The following UNC13C variants were observed in gnomAD, a reference collection of about 807,000 sequenced individuals.
UNC13C encodes protein unc-13 homolog C.
UNC13C carries 174 observed loss-of-function variants against 245.4 expected under a neutral mutation model. The ratio of observed to expected loss-of-function variants is 0.71; its 90% CI spans 0.63 to 0.80. The LOEUF is 0.80. Among genes scored for constraint, UNC13C ranks in the 30% least tolerant of loss-of-function variants. The pLI is 0.00. For synonymous variants in UNC13C, 992 were observed against 895.1 expected (o/e 1.11, Z -1.93); for missense variants, 2,829 against 2,602.9 (o/e 1.09, Z -1.89).
the UNC13C span, among the ~76,000 whole-genome samples, chr15:53,940,975 G>A: frequency 6.6e-6 from 1 of 152,066 alleles, no homozygotes; most frequent in African/African-American, 2.4e-5. Flanking sequence ...AAATTCATAT[G>A]GAATAAGAGC....
At chr15:54,483,889 C>T (rs1893264185) in intron 19 of UNC13C, among the ~76,000 whole-genome samples, 1 of 152,100 alleles carries the variant, frequency 6.6e-6, no homozygotes, top group Admixed American at 6.5e-5. Context: ...ACCTTTTTAC[C>T]TACCTTTTAC....
At chr15:54,276,388 C>T (rs1339521268) in intron 10 of UNC13C, among the ~76,000 whole-genome samples, 2 of 152,066 alleles carry the variant, frequency 1.3e-5, no homozygotes, top group East Asian at 1.9e-4. Flanking sequence ...CCACTAATTA[C>T]ACCCCACAAA....
At chr15:54,236,571 A>G in intron 6 of UNC13C, 136 bp downstream of exon 6, 1 of 700,344 alleles carries the variant, frequency 1.4e-6, no homozygotes, top group Non-Finnish European at 2.3e-6. Flanking sequence ...TTTGTTCTGC[A>G]AGAATTTAAC....
intron 2 of UNC13C, among the ~76,000 whole-genome samples, chr15:54,025,954 C>A (rs192016028): frequency 3.4e-4 from 52 of 152,228 alleles, no homozygotes; most frequent in Middle Eastern, 3.4e-3. Context: ...CCTTTTAATG[C>A]CTTTTCTGAT....
At chr15:54,168,356 G>C (rs1160807118) in intron 4 of UNC13C, among the ~76,000 whole-genome samples, 1 of 152,130 alleles carries the variant, frequency 6.6e-6, no homozygotes, top group African/African-American at 2.4e-5. Flanking sequence ...TTCAACAGTT[G>C]AAATATAGTT....
chr15:54,587,784 C>T (rs1233735928), intron 30 of UNC13C, among the ~76,000 whole-genome samples: 1 of 145,090 alleles, frequency 6.9e-6, no homozygotes, highest in Non-Finnish European at 1.5e-5. Flanking sequence ...ACACAAACAG[C>T]AAACATCTTT....
At position 54,335,948 on chromosome 15, in the gene UNC13C, G is replaced by GT. The variant is rs764213080; in HGVS notation, c.4584+2093dup. Among the ~76,000 whole-genome samples the GT allele has an allele frequency of 2.0e-5, 3 of 152,100 alleles. No homozygotes were observed. In the South Asian group the frequency reaches 6.2e-4, roughly 32 times the overall value. On this transcript the variant is annotated intron_variant, in intron 16 of 32. Transcript: ENST00000260323. ...AAACTCTTGGGATTTTCCATGTTAT[G>GT]TATGTATGTATGTATATATTTCTTA...
At chr15:54,006,048 C>T (rs1195411931) in intron 1 of UNC13C, among the ~76,000 whole-genome samples, 2 of 152,058 alleles carry the variant, frequency 1.3e-5, no homozygotes, top group Admixed American at 6.5e-5. Context: ...TAGAGTTAGG[C>T]GATTTGGGCA....
chr15:54,340,397 C>T (rs1395195335), intron 17 of UNC13C, among the ~76,000 whole-genome samples: 2 of 152,144 alleles, frequency 1.3e-5, no homozygotes, highest in Non-Finnish European at 2.9e-5. Context: ...ATGTTATCTG[C>T]TAGAATTTTT....
At chr15:54,491,940 C>T (rs1460409780) in intron 19 of UNC13C, among the ~76,000 whole-genome samples, 2 of 149,970 alleles carry the variant, frequency 1.3e-5, no homozygotes, top group Non-Finnish European at 3.0e-5. Context: ...TGTAGTAAGC[C>T]GAGATCACAC....
chr15:53,888,868 G>A, the UNC13C span, among the ~76,000 whole-genome samples: 1 of 152,076 alleles, frequency 6.6e-6, no homozygotes, highest in Non-Finnish European at 1.5e-5. Flanking sequence ...GTAGATGTGT[G>A]GTGTTATTTC....
At chr15:54,440,687 G>A (rs1275561556) in intron 19 of UNC13C, among the ~76,000 whole-genome samples, 1 of 151,948 alleles carries the variant, frequency 6.6e-6, no homozygotes, top group East Asian at 1.9e-4. Flanking sequence ...AGTGGGATTG[G>A]TGGATCCTAC....
intron 4 of UNC13C, among the ~76,000 whole-genome samples, chr15:54,153,437 A>G (rs2032612004): frequency 6.6e-6 from 1 of 152,066 alleles, no homozygotes; most frequent in Admixed American, 6.6e-5. Flanking sequence ...TATGATAATT[A>G]TTATTCATAT....
At chr15:54,621,571 C>G (rs1254694411) in intron 30 of UNC13C, among the ~76,000 whole-genome samples, 1 of 152,040 alleles carries the variant, frequency 6.6e-6, no homozygotes, top group Non-Finnish European at 1.5e-5. Context: ...TAACAAATAG[C>G]TAGAGCATGT....
rs144431171 is a variant in UNC13C, at chr15:54,083,073, C to T, written c.2984-59945C>T. Among the ~76,000 whole-genome samples the T allele has an allele frequency of 1.5e-3, 230 of 152,190 alleles. 1 individual carries two copies. The highest frequency in any genetic ancestry group is 2.6e-3 in the Non-Finnish European group (176 of 68,010). On this transcript the variant is annotated intron_variant, in intron 2 of 32. Transcript: ENST00000260323. ...GTAGGTGGCAATGAAGAGTAAGAGC[C>T]GGCTCATTCTCAGCTCAGGGGGAAG...
intron 15 of UNC13C, 74 bp from the exon 16 acceptor site, chr15:54,333,693 G>C: frequency 1.1e-6 from 1 of 872,188 alleles, no homozygotes; most frequent in Non-Finnish European, 1.9e-6. Context: ...TTCATGAGAA[G>C]CTAGTTTTAG....
intron 17 of UNC13C, among the ~76,000 whole-genome samples, chr15:54,390,448 C>T (rs895149374): frequency 3.3e-5 from 5 of 152,046 alleles, no homozygotes; most frequent in African/African-American, 1.2e-4. Flanking sequence ...ATTACCTCCC[C>T]ATTATACCCT....
chr15:53,882,379 T>C, the UNC13C span, among the ~76,000 whole-genome samples: 15 of 152,156 alleles, frequency 9.9e-5, no homozygotes, highest in Non-Finnish European at 1.9e-4. Flanking sequence ...AATTTATATA[T>C]ACCCAAAGTT....
At chr15:54,518,152 G>A (rs1895062710) in intron 24 of UNC13C, among the ~76,000 whole-genome samples, 1 of 152,100 alleles carries the variant, frequency 6.6e-6, no homozygotes, top group Non-Finnish European at 1.5e-5. Flanking sequence ...AATAATAAGG[G>A]CCAATAAAGC....
Sources: allele counts gnomAD v4.1 joint callset (sites outside exome capture counted in the v4.1 genomes callset), GRCh38; gene constraint gnomAD v4.1.1; transcripts MANE v1.5; gene names NCBI Gene and HGNC (gene_info 2026-07-23, HGNC 2026-07-21).